The following SPATA13 variants were observed in gnomAD, a reference collection of about 807,000 sequenced individuals.
The protein encoded by SPATA13 is spermatogenesis-associated protein 13.
In SPATA13, 50 loss-of-function variants were observed where a neutral mutation model predicts 104.0. That is an observed-to-expected ratio of 0.48 (90% CI 0.38 to 0.61). The LOEUF (loss-of-function observed/expected upper bound fraction) is 0.61, where lower values mean the gene tolerates loss of function less well. SPATA13 is among the 20% of genes least tolerant of loss of function. SPATA13 has a pLI of 0.00. For missense variants in SPATA13, 1,524 were observed against 1,690.6 expected (o/e 0.90, Z 1.73); for synonymous variants, 606 against 667.5 (o/e 0.91, Z 1.42).
At chr13:24,152,517 C>T (rs1405715868) in intron 3 of SPATA13, among the ~76,000 whole-genome samples, 3 of 152,252 alleles carry the variant, frequency 2.0e-5, no homozygotes, top group Non-Finnish European at 4.4e-5. Context: ...AGGTCCTCCC[C>T]AGTGAGGTCT....
At chr13:24,095,608 A>G (rs116656783) in intron 3 of SPATA13, among the ~76,000 whole-genome samples, 2,181 of 152,314 alleles carry the variant, frequency 0.014, 53 homozygotes, top group African/African-American at 0.049. Context: ...AAATATTTTT[A>G]AAAAGAAAAA....
intron 1 of SPATA13, among the ~76,000 whole-genome samples, chr13:24,196,604 C>T (rs1296519049): frequency 2.0e-5 from 3 of 152,038 alleles, no homozygotes; most frequent in Non-Finnish European, 4.4e-5. Context: ...GGCATGGTGG[C>T]GTGGGCCTGT....
At chr13:24,257,725 T>C (rs1873858628) in intron 4 of SPATA13, among the ~76,000 whole-genome samples, 1 of 151,840 alleles carries the variant, frequency 6.6e-6, no homozygotes, top group African/African-American at 2.4e-5. Flanking sequence ...TTTATCAGAG[T>C]GATACAGTAA....
chr13:24,160,586 T>G, upstream of SPATA13: 2 of 334,334 alleles, frequency 6.0e-6, no homozygotes, highest in Non-Finnish European at 8.4e-6. Context: ...CTGTGGTTGG[T>G]AGTGTGGGGG....
Position 24,289,122 on chromosome 13 carries a change from C to G in SPATA13, c.2791C>G (p.Gln931Glu). The G allele has an allele frequency of 6.2e-7, 1 of 1,613,492 alleles. No homozygotes were observed. Among genetic ancestry groups the G allele is most frequent in the Non-Finnish European group, 8.5e-7 (1 of 1,179,856 alleles). Residue 931 changes from glutamine (Q) to glutamate (E), a missense_variant, in exon 8 of 13, where the codon CAG becomes GAG. Transcript: ENST00000382108. ...QRKFLKDLEK[Q>E]YNKEEPHLSE... Reference sequence around the variant, plus strand: ...AAAGTTTCTGAAAGACCTTGAGAAACAGTACAACAAAGAGGAACCTCACTT... The same window carrying G: ...AAAGTTTCTGAAAGACCTTGAGAAAGAGTACAACAAAGAGGAACCTCACTT...
chr13:24,079,071 G>A (rs566513815), intron 3 of SPATA13, among the ~76,000 whole-genome samples: 1 of 152,334 alleles, frequency 6.6e-6, no homozygotes, highest in South Asian at 2.1e-4. Context: ...CTTCTTGGAG[G>A]AGGTGGTACT....
chr13:24,291,233 C>A lies in SPATA13; in HGVS notation c.3080+349C>A, dbSNP rs995451906. On this transcript the variant is annotated intron_variant, in intron 9 of 12. Transcript: ENST00000382108. ...TAGTAAAGACGGTTTCTGAGGGAAA[C>A]AGACCAGTGTGAATGGAAAGCCATA... is the stretch of plus-strand genomic sequence containing the variant. Among the ~76,000 whole-genome samples the A allele has an allele frequency of 4.6e-5, 7 of 152,174 alleles. No homozygotes were observed. In the East Asian group the frequency reaches 9.6e-4, roughly 21 times the overall value.
At chr13:24,133,401 C>T (rs4769324) in intron 3 of SPATA13, among the ~76,000 whole-genome samples, 82,831 of 151,988 alleles carry the variant, frequency 0.54, 22,747 homozygotes, top group South Asian at 0.6. Flanking sequence ...TGTATTTAAA[C>T]GTTGTAAATT....
chr13:24,085,419 G>T (rs920979460), intron 3 of SPATA13, among the ~76,000 whole-genome samples: 1 of 152,124 alleles, frequency 6.6e-6, no homozygotes, highest in Non-Finnish European at 1.5e-5. Context: ...GAGCCACCGC[G>T]TCCAGCTTCT....
At chr13:24,289,828 C>T (rs1275221770) in intron 8 of SPATA13, among the ~76,000 whole-genome samples, 1 of 152,182 alleles carries the variant, frequency 6.6e-6, no homozygotes, top group East Asian at 1.9e-4. Context: ...GCCCAAATAG[C>T]TAGGGAACAG....
At chr13:24,249,907 C>G in intron 3 of SPATA13, 65 bp downstream of exon 3, 1 of 1,518,864 alleles carries the variant, frequency 6.6e-7, no homozygotes, top group East Asian at 2.3e-5. Context: ...TCTATTCTGT[C>G]TGCACACTAA....
At position 24,188,257 on chromosome 13, in the gene SPATA13, G is replaced by A. The variant is rs139951171; in HGVS notation, c.-112+27325G>A. 5.9e-3 allele frequency among the ~76,000 whole-genome samples: 903 copies of A among 151,974 alleles called. 11 individuals carry two copies. The highest frequency in any genetic ancestry group is 0.021 in the African/African-American group (864 of 41,436). Reference sequence around the variant, plus strand: ...TCGGGAGGCTGAGGCAGGAGAATCAGTTGAACCTGGGAGGCAGTGAGTCGA... The same window carrying A: ...TCGGGAGGCTGAGGCAGGAGAATCAATTGAACCTGGGAGGCAGTGAGTCGA... On this transcript the variant is annotated intron_variant, in intron 1 of 12. Transcript: ENST00000382108.
At chr13:24,043,691 C>T (rs1033314157) in intron 3 of SPATA13, among the ~76,000 whole-genome samples, 2 of 152,048 alleles carry the variant, frequency 1.3e-5, no homozygotes, top group Admixed American at 1.3e-4. Flanking sequence ...TTGTTGTTGA[C>T]AGCCTTATGC....
chr13:24,243,924 T>C (rs1379495758), intron 2 of SPATA13, among the ~76,000 whole-genome samples: 1 of 152,210 alleles, frequency 6.6e-6, no homozygotes, highest in Non-Finnish European at 1.5e-5. Context: ...GCTGTATGAG[T>C]TTCCCAGGGT....
intron 3 of SPATA13, among the ~76,000 whole-genome samples, chr13:24,104,505 A>G (rs1450218238): frequency 6.6e-6 from 1 of 152,212 alleles, no homozygotes; most frequent in East Asian, 1.9e-4. Context: ...CCACATATGC[A>G]GGTATCTTCA....
Position 24,238,881 on chromosome 13 carries a change from T to C in SPATA13, c.1654-10596T>C, listed in dbSNP as rs1872700335. ...CAGCAGAACACATTAGATTCTTGTATTCCTCAGTGAAAATAAAAAAGAAGC... is the reference window on the plus strand; with the variant it reads ...CAGCAGAACACATTAGATTCTTGTACTCCTCAGTGAAAATAAAAAAGAAGC... On this transcript the variant is annotated intron_variant, in intron 2 of 12. Coordinates refer to ENST00000382108, the MANE Select transcript of SPATA13 (RefSeq NM_001166271.3). 1.3e-5 allele frequency among the ~76,000 whole-genome samples: 2 copies of C among 152,204 alleles called. 1 individual carries two copies. The highest frequency in any genetic ancestry group is 4.8e-5 in the African/African-American group (2 of 41,444).
chr13:24,009,671 G>A (rs1876381286), intron 2 of SPATA13, among the ~76,000 whole-genome samples: 1 of 152,194 alleles, frequency 6.6e-6, no homozygotes, highest in African/African-American at 2.4e-5. Flanking sequence ...GAATGTTTGG[G>A]TTAGGATGAT....
chr13:24,258,359 C>T (rs1177209692), intron 4 of SPATA13, among the ~76,000 whole-genome samples: 1 of 101,366 alleles, frequency 9.9e-6, no homozygotes, highest in Non-Finnish European at 1.8e-5. Context: ...ATGAAGAGTT[C>T]ATCTCAAAAA....
chr13:24,264,307 G>A (rs1329164604), intron 4 of SPATA13, among the ~76,000 whole-genome samples: 1 of 152,172 alleles, frequency 6.6e-6, no homozygotes, highest in Admixed American at 6.5e-5. Context: ...TTAAAAGTCA[G>A]AGGAAGGAGA....
Sources: allele counts gnomAD v4.1 joint callset (sites outside exome capture counted in the v4.1 genomes callset), GRCh38; gene constraint gnomAD v4.1.1; transcripts MANE v1.5; gene names NCBI Gene and HGNC (gene_info 2026-07-23, HGNC 2026-07-21).